Variants in TTC39B observed in about 807,000 individuals in gnomAD.
The protein encoded by TTC39B is tetratricopeptide repeat domain 39B.
A neutral mutation model predicts 96.6 loss-of-function variants in TTC39B; 92 were observed. The ratio of observed to expected loss-of-function variants is 0.95; its 90% confidence interval spans 0.80 to 1.13. TTC39B has a LOEUF of 1.13. TTC39B is among the 50% of genes most tolerant of loss of function. The probability of loss-of-function intolerance (pLI) is 0.00; values close to 1 mark genes in which losing one functional copy is unlikely to be tolerated. For missense variants in TTC39B, 955 were observed against 809.3 expected (o/e 1.18, Z -2.18); for synonymous variants, 367 against 299.4 (o/e 1.23, Z -2.33).
chr9:15,203,281 T>C (rs1819646084), intron 7 of TTC39B, among the ~76,000 whole-genome samples: 1 of 152,182 alleles, frequency 6.6e-6, no homozygotes, highest in South Asian at 2.1e-4. Flanking sequence ...GACAAAGTCT[T>C]GCTCTGTCAC....
chr9:15,225,125 A>C (rs1371545603), intron 3 of TTC39B, among the ~76,000 whole-genome samples: 3 of 152,224 alleles, frequency 2.0e-5, no homozygotes, highest in African/African-American at 7.2e-5. Flanking sequence ...TTAATTCTAA[A>C]ATGATCTGGA....
chr9:15,287,036 A>G (rs917095991), intron 1 of TTC39B, among the ~76,000 whole-genome samples: 2 of 152,194 alleles, frequency 1.3e-5, no homozygotes, highest in African/African-American at 4.8e-5. Flanking sequence ...CTTCAGCAAT[A>G]AGACTAAATT....
intron 2 of TTC39B, among the ~76,000 whole-genome samples, chr9:15,243,834 G>A (rs570728962): frequency 7.9e-5 from 12 of 152,334 alleles, no homozygotes; most frequent in African/African-American, 2.6e-4. Context: ...AAGCCCAGGA[G>A]TTCAAAGCTG....
At chr9:15,172,659 T>C (rs1487900810) in intron 19 of TTC39B, among the ~76,000 whole-genome samples, 2 of 152,164 alleles carry the variant, frequency 1.3e-5, no homozygotes, top group Non-Finnish European at 2.9e-5. Flanking sequence ...AAGGGGGCCA[T>C]AGAAATCCAA....
At chr9:15,235,019 T>TAATAAATAAATAAATA (rs1564375068) in intron 2 of TTC39B, among the ~76,000 whole-genome samples, 14 of 57,846 alleles carry the variant, frequency 2.4e-4, no homozygotes, top group African/African-American at 9.7e-4. Flanking sequence ...CACCCAAGAA[T>TAATAAATAAATAAATA]GATCAATAAA....
At chr9:15,198,461 A>AATATATATATATATAT (rs61517681) in intron 8 of TTC39B, among the ~76,000 whole-genome samples, 35 of 117,352 alleles carry the variant, frequency 3.0e-4, no homozygotes, top group African/African-American at 1.0e-3. Context: ...CGGTCGCAAA[A>AATATATATATATATAT]ATATATATAT....
intron 2 of TTC39B, among the ~76,000 whole-genome samples, chr9:15,247,281 G>C (rs1452221900): frequency 6.6e-6 from 1 of 152,174 alleles, no homozygotes; most frequent in Non-Finnish European, 1.5e-5. Context: ...AAGATCAGTG[G>C]GTAGGAGGCT....
intron 1 of TTC39B, among the ~76,000 whole-genome samples, chr9:15,272,579 C>T (rs1823396519): frequency 6.6e-6 from 1 of 152,190 alleles, no homozygotes; most frequent in Non-Finnish European, 1.5e-5. Flanking sequence ...TACTGTAGGG[C>T]CTGGTGTAAC....
rs577093368 is a variant in TTC39B at position 15,289,161 on chromosome 9, C to G, written c.240+17923G>C. On this transcript the variant is annotated intron_variant, in intron 1 of 19. Transcript: ENST00000512701. ...CTTGCCCTTGGTTACCTGGCTTCAG[C>G]CAGTCCTCCAAAAGGACATTTACCA... Among the ~76,000 whole-genome samples the G allele has an allele frequency of 3.3e-5, 5 of 152,250 alleles. No individual in the cohort carries two copies. In the East Asian group the frequency reaches 7.7e-4, roughly 24 times the overall value.
At chr9:15,231,302 C>G (rs1267281547) in intron 2 of TTC39B, among the ~76,000 whole-genome samples, 1 of 152,104 alleles carries the variant, frequency 6.6e-6, no homozygotes, top group Non-Finnish European at 1.5e-5. Flanking sequence ...CATGAGCCAC[C>G]ATGCCCGGCC....
intron 2 of TTC39B, among the ~76,000 whole-genome samples, chr9:15,231,598 A>G (rs983792075): frequency 6.6e-6 from 1 of 152,212 alleles, no homozygotes; most frequent in African/African-American, 2.4e-5. Flanking sequence ...ATCACTAGGT[A>G]CAACTATTTT....
chr9:15,241,177 C>T (rs1012411286), intron 2 of TTC39B, among the ~76,000 whole-genome samples: 11 of 152,084 alleles, frequency 7.2e-5, no homozygotes, highest in African/African-American at 2.4e-4. Context: ...GAATGACAAG[C>T]TCATTCAAAT....
At chr9:15,237,042 C>T (rs532125447) in intron 2 of TTC39B, among the ~76,000 whole-genome samples, 1 of 151,994 alleles carries the variant, frequency 6.6e-6, no homozygotes, top group South Asian at 2.1e-4. Context: ...TGGCTGGGCA[C>T]AGTGGCTCAT....
At chr9:15,301,545 A>G (rs534944082) in intron 1 of TTC39B, among the ~76,000 whole-genome samples, 1 of 152,308 alleles carries the variant, frequency 6.6e-6, no homozygotes, top group Admixed American at 6.5e-5. Context: ...ACCTTTAGTC[A>G]GGAGTTTGAG....
At chr9:15,290,023 T>C (rs1824126277) in intron 1 of TTC39B, among the ~76,000 whole-genome samples, 1 of 152,198 alleles carries the variant, frequency 6.6e-6, no homozygotes, top group Admixed American at 6.5e-5. Flanking sequence ...CACCTAACAC[T>C]TGTGCTTTAT....
exon 20 of TTC39B, chr9:15,170,319 G>A (rs1461540663): frequency 6.6e-6 from 1 of 152,056 alleles, no homozygotes; most frequent in Non-Finnish European, 1.5e-5. Context: ...TATAACCTGG[G>A]TAGCCTACTG....
intron 3 of TTC39B, among the ~76,000 whole-genome samples, chr9:15,223,319 T>G (rs931723695): frequency 6.6e-6 from 1 of 152,170 alleles, no homozygotes; most frequent in African/African-American, 2.4e-5. Context: ...GCAAATGAGT[T>G]TCTTAAAGGT....
chr9:15,177,021 A>G (rs2118514923), intron 18 of TTC39B, among the ~76,000 whole-genome samples: 1 of 152,314 alleles, frequency 6.6e-6, no homozygotes, highest in East Asian at 1.9e-4. Context: ...AGTGCTCATC[A>G]CATGCCTCTC....
intron 2 of TTC39B, among the ~76,000 whole-genome samples, chr9:15,257,658 G>T (rs1248102551): frequency 6.6e-6 from 1 of 151,998 alleles, no homozygotes; most frequent in African/African-American, 2.4e-5. Flanking sequence ...ATGTTGGTCA[G>T]GCTGGTCTCA....
Sources: gnomAD v4.1 joint callset for allele counts (sites outside exome capture counted in the v4.1 genomes callset) on GRCh38, gnomAD v4.1.1 for gene constraint, MANE v1.5 for transcripts, NCBI Gene and HGNC (gene_info 2026-07-23, HGNC 2026-07-21) for gene names.